The following IL1RAPL2 variants were observed in gnomAD, a reference collection of about 807,000 sequenced individuals.
The protein encoded by IL1RAPL2 is X-linked interleukin-1 receptor accessory protein-like 2.
In IL1RAPL2, 3 loss-of-function variants were observed where a neutral mutation model predicts 44.1. That is an observed-to-expected ratio of 0.07 (90% CI 0.03 to 0.18). IL1RAPL2 has a LOEUF of 0.18. Among genes scored for constraint, IL1RAPL2 ranks in the 10% least tolerant of loss-of-function variants. IL1RAPL2 has a pLI of 1.00. For synonymous variants in IL1RAPL2, 181 were observed against 178.8 expected, an observed-to-expected ratio of 1.01 and a Z score of -0.10; for missense variants, 391 against 496.4, an observed-to-expected ratio of 0.79 and a Z score of 2.02.
chrX:105,067,075 T>C (rs2032146548), intron 2 of IL1RAPL2, among the ~76,000 whole-genome samples: 1 of 112,165 alleles, frequency 8.9e-6, no homozygotes, highest in Non-Finnish European at 1.9e-5. Context: ...AATTTAATTG[T>C]TGTTTTGCAA....
intron 3 of IL1RAPL2, among the ~76,000 whole-genome samples, chrX:105,198,992 CT>C (rs782236496): frequency 3.6e-5 from 4 of 110,335 alleles, no homozygotes; most frequent in African/African-American, 9.9e-5. Flanking sequence ...TGTAAAGTTA[CT>C]TTTTTTTTCT....
intron 1 of IL1RAPL2, among the ~76,000 whole-genome samples, chrX:104,609,454 G>A (rs1021830551): frequency 1.8e-5 from 2 of 111,633 alleles, no homozygotes; most frequent in Non-Finnish European, 3.8e-5. Context: ...TTTTCTAACT[G>A]GTTCCATTCT....
At chrX:105,722,743 G>T (rs1479591076) in intron 7 of IL1RAPL2, among the ~76,000 whole-genome samples, 1 of 111,379 alleles carries the variant, frequency 9.0e-6, no homozygotes, top group African/African-American at 3.3e-5. Context: ...TTAGACTGGG[G>T]TAATTTATAA....
At chrX:105,574,990 G>A (rs1697342153) in intron 6 of IL1RAPL2, among the ~76,000 whole-genome samples, 1 of 111,161 alleles carries the variant, frequency 9.0e-6, no homozygotes, top group African/African-American at 3.3e-5. Flanking sequence ...TATGTAAGTA[G>A]GTGAGGAATC....
intron 2 of IL1RAPL2, among the ~76,000 whole-genome samples, chrX:105,057,920 T>C (rs930677032): frequency 3.6e-4 from 38 of 106,303 alleles, no homozygotes; most frequent in South Asian, 4.4e-4. Context: ...TAGCTGGAAT[T>C]ACAGGCATGC....
intron 2 of IL1RAPL2, among the ~76,000 whole-genome samples, chrX:104,935,118 T>C (rs187351363): frequency 1.8e-5 from 2 of 112,275 alleles, no homozygotes; most frequent in Admixed American, 9.5e-5. Context: ...CAATCCACAA[T>C]TGTGATATAC....
At chrX:105,087,580 G>T (rs1466016002) in intron 2 of IL1RAPL2, among the ~76,000 whole-genome samples, 1 of 112,111 alleles carries the variant, frequency 8.9e-6, no homozygotes, top group African/African-American at 3.2e-5. Flanking sequence ...GCAAGGAGCA[G>T]TTTGGTCTGC....
intron 2 of IL1RAPL2, among the ~76,000 whole-genome samples, chrX:105,130,349 TC>T (rs931783370): frequency 6.3e-5 from 7 of 111,515 alleles, no homozygotes; most frequent in Non-Finnish European, 1.1e-4. Flanking sequence ...ACTTAGCACC[TC>T]CAGGTGATTC....
intron 2 of IL1RAPL2, among the ~76,000 whole-genome samples, chrX:104,875,271 T>C (rs915183176): frequency 9.0e-5 from 10 of 111,676 alleles, no homozygotes; most frequent in African/African-American, 3.2e-4. Flanking sequence ...GTCTTCAGTA[T>C]TGTTCCTTAA....
intron 7 of IL1RAPL2, among the ~76,000 whole-genome samples, chrX:105,733,876 C>A (rs943699848): frequency 1.8e-5 from 2 of 111,548 alleles, no homozygotes; most frequent in Admixed American, 9.5e-5. Flanking sequence ...TTTTGCTTTG[C>A]TTTGATTTTT....
At chrX:104,818,352 A>G (rs1921202673) in intron 2 of IL1RAPL2, among the ~76,000 whole-genome samples, 1 of 108,265 alleles carries the variant, frequency 9.2e-6, no homozygotes, top group Non-Finnish European at 1.9e-5. Context: ...TCAAAAAAAA[A>G]AAAAAAAAAA....
chrX:105,268,499 T>C (rs1457360085), intron 5 of IL1RAPL2, among the ~76,000 whole-genome samples: 3 of 110,784 alleles, frequency 2.7e-5, no homozygotes, highest in South Asian at 3.9e-4. Flanking sequence ...CAGTGGTTCA[T>C]GCCTGTAATC....
intron 6 of IL1RAPL2, among the ~76,000 whole-genome samples, chrX:105,535,400 A>T (rs1260071032): frequency 1.8e-5 from 2 of 111,885 alleles, no homozygotes; most frequent in Non-Finnish European, 3.8e-5. Context: ...AGTTTGGCAG[A>T]TTCTCTTAAA....
At chrX:105,685,092 T>C (rs187028982) in intron 6 of IL1RAPL2, among the ~76,000 whole-genome samples, 2 of 111,721 alleles carry the variant, frequency 1.8e-5, no homozygotes, top group African/African-American at 6.5e-5. Flanking sequence ...ACCACAAAGA[T>C]TGGGAGAAAC....
chrX:105,039,253 G>T (rs1338023897), intron 2 of IL1RAPL2, among the ~76,000 whole-genome samples: 2 of 111,743 alleles, frequency 1.8e-5, no homozygotes, highest in African/African-American at 6.5e-5. Flanking sequence ...TAAGAACACA[G>T]AGAGAATGCC....
intron 2 of IL1RAPL2, among the ~76,000 whole-genome samples, chrX:105,038,554 T>C (rs1361795811): frequency 9.0e-6 from 1 of 110,595 alleles, no homozygotes; most frequent in Non-Finnish European, 1.9e-5. Context: ...TTTTTTAACT[T>C]TGATTTTAGA....
At chrX:104,647,890 G>T in intron 1 of IL1RAPL2, 1 of 641,154 alleles carries the variant, frequency 1.6e-6, no homozygotes, top group South Asian at 2.3e-5. Context: ...GGTCAAAGAT[G>T]ACAGCTCTGT....
intron 3 of IL1RAPL2, among the ~76,000 whole-genome samples, chrX:105,214,606 C>T (rs1477024441): frequency 6.3e-5 from 7 of 111,507 alleles, no homozygotes; most frequent in African/African-American, 2.3e-4. Flanking sequence ...GAACTGAACT[C>T]AGCTCTGAAC....
chrX:105,607,816 G>A (rs2037306934), intron 6 of IL1RAPL2, among the ~76,000 whole-genome samples: 1 of 109,848 alleles, frequency 9.1e-6, no homozygotes, highest in Non-Finnish European at 1.9e-5. Flanking sequence ...CAGAGAAGAA[G>A]ATTGGGGCAT....
Sources: gnomAD v4.1 joint callset for allele counts (sites outside exome capture counted in the v4.1 genomes callset) on GRCh38, gnomAD v4.1.1 for gene constraint, MANE v1.5 for transcripts, NCBI Gene and HGNC (gene_info 2026-07-23, HGNC 2026-07-21) for gene names.